Variants in STK39 observed in about 807,000 individuals in gnomAD.
The protein encoded by STK39 is serine/threonine kinase 39.
Under a neutral mutation model 77.8 loss-of-function variants are expected in STK39, and 20 were observed. That is an observed-to-expected ratio of 0.26 (90% CI 0.18 to 0.37). The LOEUF is 0.37. STK39 is among the 10% of genes least tolerant of loss of function. The probability of loss-of-function intolerance (pLI) is 1.00; values close to 1 mark genes in which losing one functional copy is unlikely to be tolerated. For missense variants in STK39, 479 were observed against 656.5 expected, an observed-to-expected ratio of 0.73 and a Z score of 2.95; for synonymous variants, 246 against 234.1, an observed-to-expected ratio of 1.05 and a Z score of -0.47.
chr2:167,975,094 G>A (rs1029490653), intron 16 of STK39, among the ~76,000 whole-genome samples: 1 of 152,154 alleles, frequency 6.6e-6, no homozygotes, highest in Non-Finnish European at 1.5e-5. Context: ...AATTAAGCAT[G>A]GACTCATGGA....
At chr2:168,108,472 T>TGGG (rs1205333042) in intron 10 of STK39, among the ~76,000 whole-genome samples, 2 of 151,736 alleles carry the variant, frequency 1.3e-5, no homozygotes, top group African/African-American at 4.8e-5. Context: ...CACTTGAGAC[T>TGGG]GGGAGGTCAA....
intron 1 of STK39, among the ~76,000 whole-genome samples, chr2:168,216,228 A>C (rs1310386961): frequency 6.6e-6 from 1 of 152,136 alleles, no homozygotes. Context: ...CCAGAGGTAC[A>C]TGGAAGGTAA....
At position 168,153,411 on chromosome 2, in the gene STK39, T is replaced by A. The variant is rs565155677; in HGVS notation, c.628+8376A>T. On this transcript the variant is annotated intron_variant, in intron 5 of 17. Coordinates refer to ENST00000355999, the MANE Select transcript of STK39 (RefSeq NM_013233.3). ...TAGTAGTAGTTCTCAGACTTCAGCC[T>A]GCTTCAGAACCCTTAGAGGGCTTCT... 3.3e-4 allele frequency among the ~76,000 whole-genome samples: 51 copies of A among 152,316 alleles called. No homozygotes were observed. In the South Asian group the frequency reaches 0.011, roughly 32 times the overall value.
chr2:168,123,872 C>CAA (rs60490866), intron 10 of STK39, among the ~76,000 whole-genome samples: 2,322 of 119,480 alleles, frequency 0.019, 40 homozygotes, highest in Non-Finnish European at 0.028. Context: ...GATTCCATCT[C>CAA]AAAAAAAAAA....
intron 16 of STK39, among the ~76,000 whole-genome samples, chr2:167,976,202 T>C (rs983075873): frequency 1.2e-4 from 19 of 152,202 alleles, no homozygotes; most frequent in African/African-American, 4.1e-4. Flanking sequence ...GAAGTGAGTA[T>C]ACTACAAGCA....
At chr2:168,064,298 C>G (rs1174602493) in intron 13 of STK39, among the ~76,000 whole-genome samples, 1 of 152,200 alleles carries the variant, frequency 6.6e-6, no homozygotes, top group Non-Finnish European at 1.5e-5. Flanking sequence ...TTCCTTTACT[C>G]TCTTTGCCCT....
chr2:168,113,251 T>C (rs1401343123), intron 10 of STK39: 1 of 152,140 alleles, frequency 6.6e-6, no homozygotes, highest in Non-Finnish European at 1.5e-5. Context: ...CAATGGTAAA[T>C]GAGTGCCACA....
intron 10 of STK39, among the ~76,000 whole-genome samples, chr2:168,109,220 G>C (rs1024884651): frequency 6.6e-6 from 1 of 152,122 alleles, no homozygotes; most frequent in African/African-American, 2.4e-5. Context: ...ACATACCCTA[G>C]CCTCAGTCAC....
intron 10 of STK39, among the ~76,000 whole-genome samples, chr2:168,078,703 TTAG>T (rs1309515748): frequency 4.7e-5 from 7 of 149,534 alleles, no homozygotes; most frequent in African/African-American, 1.7e-4. Flanking sequence ...TGACCAAAAC[TTAG>T]TAGAATTTGT....
intron 14 of STK39, among the ~76,000 whole-genome samples, chr2:168,048,701 T>C (rs1293297253): frequency 1.3e-5 from 2 of 152,200 alleles, no homozygotes; most frequent in Non-Finnish European, 2.9e-5. Context: ...TCTTGCTTTA[T>C]TCTTTCCACC....
At chr2:168,070,496 G>A (rs989175333) in intron 12 of STK39, among the ~76,000 whole-genome samples, 1 of 150,246 alleles carries the variant, frequency 6.7e-6, no homozygotes, top group East Asian at 2.0e-4. Flanking sequence ...TGCACAACGT[G>A]CAGGTTTGTT....
chr2:168,145,533 A>C (rs1559119162), intron 5 of STK39, among the ~76,000 whole-genome samples: 3 of 152,168 alleles, frequency 2.0e-5, no homozygotes. Flanking sequence ...AAACATTGGA[A>C]TCTTTATGAA....
chr2:168,014,247 G>C (rs1164783931), intron 15 of STK39, among the ~76,000 whole-genome samples: 2 of 152,128 alleles, frequency 1.3e-5, no homozygotes, highest in African/African-American at 4.8e-5. Flanking sequence ...CACTTTAGGA[G>C]GCCAAGGCAA....
chr2:168,211,003 G>C (rs1689877174), intron 1 of STK39, among the ~76,000 whole-genome samples: 1 of 151,988 alleles, frequency 6.6e-6, no homozygotes, highest in Non-Finnish European at 1.5e-5. Context: ...ATGGTGAGTA[G>C]TCATTATATG....
chr2:168,068,275 T>C (rs17176633), intron 12 of STK39, among the ~76,000 whole-genome samples: 54,434 of 152,024 alleles, frequency 0.36, 10,497 homozygotes, highest in Non-Finnish European at 0.42. Flanking sequence ...CTGATGGGGA[T>C]CTAGGACAGG....
intron 14 of STK39, among the ~76,000 whole-genome samples, chr2:168,017,524 C>T (rs1684445954): frequency 6.6e-6 from 1 of 151,742 alleles, no homozygotes; most frequent in Non-Finnish European, 1.5e-5. Flanking sequence ...GCATGTGCCA[C>T]CATGTCCGGC....
chr2:168,035,316 A>G (rs1684924059), intron 14 of STK39, among the ~76,000 whole-genome samples: 1 of 152,244 alleles, frequency 6.6e-6, no homozygotes, highest in African/African-American at 2.4e-5. Context: ...CAATTTTAGA[A>G]TAATAATTAA....
At chr2:168,016,407 A>AAAAAAAAAC (rs1684408620) in intron 15 of STK39, among the ~76,000 whole-genome samples, 5 of 150,752 alleles carry the variant, frequency 3.3e-5, no homozygotes, top group South Asian at 4.2e-4. Context: ...AAAAAAAAAA[A>AAAAAAAAAC]AAAAAACAAC....
At chr2:168,111,514 G>C (rs1687119482) in intron 10 of STK39, among the ~76,000 whole-genome samples, 1 of 152,106 alleles carries the variant, frequency 6.6e-6, no homozygotes, top group Non-Finnish European at 1.5e-5. Context: ...TCAGATACCT[G>C]CTGTCAGTCT....
Sources: gnomAD v4.1 joint callset for allele counts (sites outside exome capture counted in the v4.1 genomes callset) on GRCh38, gnomAD v4.1.1 for gene constraint, MANE v1.5 for transcripts, NCBI Gene and HGNC (gene_info 2026-07-23, HGNC 2026-07-21) for gene names.